Variants in AGBL1 observed in about 807,000 individuals in gnomAD.
The protein encoded by AGBL1 is cytosolic carboxypeptidase 4.
In AGBL1, 130 loss-of-function variants were observed where a neutral mutation model predicts 118.9. The ratio of observed to expected loss-of-function variants is 1.09; its 90% CI spans 0.95 to 1.26. The LOEUF is 1.26. Among genes scored for constraint, AGBL1 ranks in the 50% most tolerant of loss-of-function variants. The pLI is 0.00. For synonymous variants in AGBL1, 555 were observed against 478.9 expected (o/e 1.16, Z -2.08); for missense variants, 1,584 against 1,298.1 (o/e 1.22, Z -3.38).
At chr15:86,325,664 ATCC>A (rs1468332172) in intron 17 of AGBL1, among the ~76,000 whole-genome samples, 1 of 152,142 alleles carries the variant, frequency 6.6e-6, no homozygotes, top group Non-Finnish European at 1.5e-5. Context: ...GCCATCTTCC[ATCC>A]CCCTAGCAAG....
intron 22 of AGBL1, among the ~76,000 whole-genome samples, chr15:86,864,960 A>G (rs1471298697): frequency 1.3e-5 from 2 of 152,174 alleles, no homozygotes; most frequent in Non-Finnish European, 2.9e-5. Context: ...AAAAATCATT[A>G]CGTTTGTTTT....
chr15:86,422,247 C>T (rs2081801354), intron 18 of AGBL1, among the ~76,000 whole-genome samples: 1 of 152,206 alleles, frequency 6.6e-6, no homozygotes, highest in Admixed American at 6.5e-5. Context: ...AACAAACAGT[C>T]TCTCAGACCA....
In AGBL1 at chr15:86,079,932, A is replaced by T. The variant is rs1316082252; in HGVS notation, c.-41A>T. On this transcript the variant is annotated 5_prime_UTR_variant, in exon 1 of 23. Transcript: ENST00000614907. ...GGCAGCCGCTGCCTCTCCAGCCTGG[A>T]TCTGGCCGCAGGCAGCGGTTCCCTA... 5 of 1,227,366 alleles carry T rather than the reference A, an allele frequency of 4.1e-6. No homozygotes were observed. Among genetic ancestry groups the T allele is most frequent in the Non-Finnish European group, 5.1e-6 (5 of 983,570 alleles). The allele number at this position is 1,227,366 out of a possible 1,614,324, so 76.0% of individuals were successfully genotyped here.
intron 22 of AGBL1, among the ~76,000 whole-genome samples, chr15:86,680,565 C>CTTTTTTTTTTTTT (rs34873609): frequency 1.4e-3 from 134 of 94,702 alleles, no homozygotes; most frequent in East Asian, 1.8e-3. Context: ...TCTTTCTTTT[C>CTTTTTTTTTTTTT]TTTTTTTTTT....
At position 86,962,508 on chromosome 15, in the gene AGBL1, C is replaced by T. The variant is rs528728184; in HGVS notation, c.3222-25479C>T. On this transcript the variant is annotated intron_variant, in intron 23 of 24. Transcript: ENST00000441037. ...CTATCATGCCACATATTCGTTTCAC[C>T]ACAAAACACTTTTTTTAAGAATTCT... Among the ~76,000 whole-genome samples, 154 of 151,992 alleles carry T rather than the reference C, an allele frequency of 1.0e-3. 2 individuals are homozygous for T. The South Asian group carries it at 0.013, about 12-fold the overall frequency.
chr15:86,256,720 G>A (rs1331825290), intron 7 of AGBL1, 133 bp from the exon 8 acceptor site: 1 of 829,424 alleles, frequency 1.2e-6, no homozygotes, highest in African/African-American at 1.7e-5. Flanking sequence ...GTCTGTCCAT[G>A]CGTATAATTC....
chr15:86,114,062 A>G (rs1482347620), intron 1 of AGBL1, among the ~76,000 whole-genome samples: 2 of 152,268 alleles, frequency 1.3e-5, no homozygotes, highest in Non-Finnish European at 2.9e-5. Flanking sequence ...CATTTCAAAG[A>G]CTATATTTGT....
intron 23 of AGBL1, among the ~76,000 whole-genome samples, chr15:86,931,344 A>T (rs1177742333): frequency 6.6e-6 from 1 of 152,168 alleles, no homozygotes; most frequent in African/African-American, 2.4e-5. Context: ...GTAAGCTATC[A>T]GAGAGGTCAG....
At position 86,307,735 on chromosome 15, in the gene AGBL1, T is replaced by TA. The variant is rs567239835; in HGVS notation, c.2374+12337dup. ...TGGACAGTATAGTGAGACCCTGTCT[T>TA]AAAAAAAAAATTAGGTCTTCTCTAA... is the stretch of plus-strand genomic sequence containing the variant. On this transcript the variant is annotated intron_variant, in intron 17 of 22. Coordinates refer to ENST00000614907, the MANE Select transcript of AGBL1 (RefSeq NM_001386094.1). Among the ~76,000 whole-genome samples, 8 of 149,978 alleles carry TA rather than the reference T, an allele frequency of 5.3e-5. No individual in the cohort carries two copies. In the East Asian group the frequency reaches 5.8e-4, roughly 11 times the overall value.
intron 18 of AGBL1, among the ~76,000 whole-genome samples, chr15:86,519,846 C>T (rs944674464): frequency 1.3e-5 from 2 of 152,204 alleles, no homozygotes; most frequent in Admixed American, 1.3e-4. Context: ...CACATTGGCC[C>T]AATTTCTCTC....
chr15:86,703,784 T>C (rs1192340571), intron 22 of AGBL1, among the ~76,000 whole-genome samples: 1 of 152,112 alleles, frequency 6.6e-6, no homozygotes, highest in Non-Finnish European at 1.5e-5. Context: ...CCCTACACCT[T>C]CCACCATGAT....
At position 86,965,228 on chromosome 15, in the gene AGBL1, A is replaced by G. The variant is rs1004653334; in HGVS notation, c.3222-22759A>G. 2.0e-5 allele frequency among the ~76,000 whole-genome samples: 3 copies of G among 152,128 alleles called. No individual in the cohort carries two copies. The South Asian group carries it at 6.2e-4, about 32-fold the overall frequency. On this transcript the variant is annotated intron_variant, in intron 23 of 24. Transcript: ENST00000441037. The stretch of plus-strand genomic sequence containing the variant: ...CCACACTCTCTTCCACAATGGTTGA[A>G]CTAGTTTACAGTCCCACCAACAGTC...
chr15:86,504,991 CAAATT>C (rs1302480119), intron 18 of AGBL1, among the ~76,000 whole-genome samples: 1 of 151,556 alleles, frequency 6.6e-6, no homozygotes, highest in Non-Finnish European at 1.5e-5. Context: ...TGTTAGGAAA[CAAATT>C]AATTTCTCCG....
intron 22 of AGBL1, among the ~76,000 whole-genome samples, chr15:86,720,522 G>A (rs2086701818): frequency 6.6e-6 from 1 of 152,154 alleles, no homozygotes; most frequent in African/African-American, 2.4e-5. Flanking sequence ...GCTGCCAATG[G>A]GGCCACTTGA....
At chr15:86,629,900 A>G (rs185315654) in intron 21 of AGBL1, among the ~76,000 whole-genome samples, 1 of 152,352 alleles carries the variant, frequency 6.6e-6, no homozygotes, top group East Asian at 1.9e-4. Flanking sequence ...GCTTCTGGTC[A>G]TTACCCTTCT....
intron 22 of AGBL1, among the ~76,000 whole-genome samples, chr15:86,743,844 A>G (rs1377593089): frequency 6.6e-6 from 1 of 151,976 alleles, no homozygotes; most frequent in African/African-American, 2.4e-5. Flanking sequence ...TGGCCTTTCC[A>G]GTGTATCTGA....
At chr15:86,710,594 C>A (rs1012785115) in intron 22 of AGBL1, among the ~76,000 whole-genome samples, 1 of 152,222 alleles carries the variant, frequency 6.6e-6, no homozygotes, top group East Asian at 1.9e-4. Flanking sequence ...TGCTATTGGA[C>A]CAGCTAGAAG....
intron 22 of AGBL1, among the ~76,000 whole-genome samples, chr15:86,740,430 T>C (rs966451006): frequency 6.6e-6 from 1 of 152,190 alleles, no homozygotes; most frequent in Admixed American, 6.5e-5. Flanking sequence ...CCCCACACTC[T>C]TGTGTTCTTT....
chr15:86,385,988 A>C (rs185244875), intron 17 of AGBL1, among the ~76,000 whole-genome samples: 177 of 9,642 alleles, frequency 0.018, 10 homozygotes, highest in Middle Eastern at 0.083. Flanking sequence ...TCTCCCTCTC[A>C]TCCTCCTCCT....
Sources: gnomAD v4.1 joint callset for allele counts (sites outside exome capture counted in the v4.1 genomes callset) on GRCh38, gnomAD v4.1.1 for gene constraint, MANE v1.5 for transcripts, NCBI Gene and HGNC (gene_info 2026-07-23, HGNC 2026-07-21) for gene names.